SRCAP: variants seen among roughly 807,000 people sequenced by gnomAD.
SRCAP encodes the protein chromatin remodeling protein SRCAP.
In SRCAP, 46 loss-of-function variants were observed where a neutral mutation model predicts 263.1. The observed-to-expected ratio is 0.17, with a 90% CI of 0.14 to 0.22. SRCAP has a LOEUF of 0.22. SRCAP is among the 10% of genes least tolerant of loss of function. The pLI is 1.00. For missense variants in SRCAP, 3,695 were observed against 4,181.9 expected, an observed-to-expected ratio of 0.88 and a Z score of 3.21; for synonymous variants, 1,813 against 1,662.1, an observed-to-expected ratio of 1.09 and a Z score of -2.21.
chr16:30,699,330 A>G (rs1394355972), intron 1 of SRCAP, 88 bp downstream of exon 1: 1 of 397,578 alleles, frequency 2.5e-6, no homozygotes, highest in Non-Finnish European at 4.4e-6. Context: ...AACACTGGGG[A>G]AGCATTTCCG....
intron 4 of SRCAP, among the ~76,000 whole-genome samples, chr16:30,705,664 G>A (rs551263068): frequency 5.3e-5 from 8 of 151,020 alleles, no homozygotes; most frequent in Non-Finnish European, 1.2e-4. Context: ...CTCTGAAAGT[G>A]CTGGGATTAC....
At chr16:30,736,494 C>A in intron 32 of SRCAP, 47 bp from the exon 33 acceptor site, 1 of 1,612,812 alleles carries the variant, frequency 6.2e-7, no homozygotes, top group Non-Finnish European at 8.5e-7. Context: ...GTGGTGGGGC[C>A]CTGGGTACCA....
In SRCAP at chr16:30,724,761, C is replaced by G. The variant is rs771035574; in HGVS notation, c.5337C>G (p.Leu1779=). 1.2e-6 allele frequency: 2 copies of G among 1,613,762 alleles called. No individual in the cohort carries two copies. The highest frequency in any genetic ancestry group is 2.7e-5 in the African/African-American group (2 of 74,918). Residue 1779 remains leucine (L), a synonymous_variant, in exon 25 of 34, where the codon CTC becomes CTG. Transcript: ENST00000262518. The stretch of plus-strand genomic sequence containing the variant: ...CTCCAGCATCGTCATCTGCTTCACT[C>G]CTGGCCCCAGCTTCAGTGCAGACAC... ...TLAPASSSAS[L]LAPASVQTLT...
At chr16:30,708,691 G>C (rs1314194695) in intron 6 of SRCAP, among the ~76,000 whole-genome samples, 1 of 152,102 alleles carries the variant, frequency 6.6e-6, no homozygotes, top group Non-Finnish European at 1.5e-5. Flanking sequence ...ACCGCACCTG[G>C]CCTAAAAATA....
At chr16:30,717,442 T>A (rs1056681289) in intron 18 of SRCAP, among the ~76,000 whole-genome samples, 1 of 151,976 alleles carries the variant, frequency 6.6e-6, no homozygotes, top group East Asian at 1.9e-4. Context: ...CACAAACACT[T>A]GTTTTTGGTG....
intron 3 of SRCAP, among the ~76,000 whole-genome samples, chr16:30,702,851 G>A (rs1441345560): frequency 6.6e-6 from 1 of 151,182 alleles, no homozygotes; most frequent in Non-Finnish European, 1.5e-5. Context: ...TGATCCGCCC[G>A]CCTCGGCCTC....
At chr16:30,714,238 G>C (rs2052922654) in intron 16 of SRCAP, among the ~76,000 whole-genome samples, 1 of 151,674 alleles carries the variant, frequency 6.6e-6, no homozygotes, top group Non-Finnish European at 1.5e-5. Context: ...CTAATTTTTT[G>C]TATTTTTAGT....
intron 3 of SRCAP, 145 bp downstream of exon 3, chr16:30,701,023 G>A: frequency 1.4e-6 from 1 of 720,196 alleles, no homozygotes; most frequent in Non-Finnish European, 2.4e-6. Context: ...TATCAGGTCT[G>A]TTGGATACTC....
chr16:30,722,477 GTTCTT>G (rs1466334374), intron 22 of SRCAP, 81 bp from the exon 23 acceptor site: 16 of 1,548,432 alleles, frequency 1.0e-5, no homozygotes, highest in Admixed American at 3.5e-5. Context: ...TTCCCTCTCT[GTTCTT>G]TTCTTCTCTT....
chr16:30,706,697 A>G (rs2052831411), intron 4 of SRCAP, among the ~76,000 whole-genome samples: 1 of 152,146 alleles, frequency 6.6e-6, no homozygotes, highest in Non-Finnish European at 1.5e-5. Flanking sequence ...ATTATAGCAT[A>G]TTTCTAAGCT....
At chr16:30,720,478 G>C (rs2151292525) in intron 19 of SRCAP, 147 bp downstream of exon 19, 1 of 1,077,556 alleles carries the variant, frequency 9.3e-7, no homozygotes, top group East Asian at 2.5e-5. Flanking sequence ...ATCAGGGAGA[G>C]AATAACTAGA....
At chr16:30,729,721 G>C in intron 27 of SRCAP, 149 bp downstream of exon 27, 1 of 865,420 alleles carries the variant, frequency 1.2e-6, no homozygotes, top group Non-Finnish European at 1.8e-6. Flanking sequence ...GGGCAAGATA[G>C]AGAAATGTAA....
Position 30,709,614 on chromosome 16 carries a change from C to T in SRCAP, c.735C>T (p.Asp245=). 1.2e-6 allele frequency: 2 copies of T among 1,614,182 alleles called. No individual in the cohort carries two copies. Among genetic ancestry groups the T allele is most frequent in the Non-Finnish European group, 1.7e-6 (2 of 1,180,036 alleles). Residue 245 remains aspartate, a synonymous_variant, in exon 7 of 34, where the codon GAC becomes GAT. Transcript: ENST00000262518. ...TGGGGCAAACTGAAAAGTACTCGGACCTTCTGTCTCAGAGCCTCAACCAGC... is the reference window on the plus strand; with the variant it reads ...TGGGGCAAACTGAAAAGTACTCGGATCTTCTGTCTCAGAGCCTCAACCAGC... ...FIVGQTEKYS[D]LLSQSLNQPL...
In SRCAP at chr16:30,707,667, C is replaced by A. The variant is rs769983508; in HGVS notation, c.588C>A (p.Ser196=). The A allele has an allele frequency of 6.2e-7, 1 of 1,614,156 alleles. No homozygotes were observed. Among genetic ancestry groups the A allele is most frequent in the South Asian group, 1.1e-5 (1 of 91,078 alleles). The change falls in exon 6 of 34, where the codon TCC becomes TCA. Residue 196 remains serine (S), a synonymous_variant. Coordinates refer to ENST00000262518, the MANE Select transcript of SRCAP (RefSeq NM_006662.3). ...EEQAKLRRIA[S]TMAKDVRQFW... ...AGGCCAAGCTGCGTCGAATTGCTTC[C>A]ACCATGGCCAAGGATGTCAGGCAGT...
At position 30,724,075 on chromosome 16, in the gene SRCAP, C is replaced by T; in HGVS notation, c.4651C>T (p.Pro1551Ser). 6.2e-7 allele frequency: 1 copy of T among 1,613,632 alleles called. No homozygotes were observed. Among genetic ancestry groups the T allele is most frequent in the Non-Finnish European group, 8.5e-7 (1 of 1,180,018 alleles). Residue 1551 changes from proline (P) to serine (S), a missense_variant, in exon 25 of 34, where the codon CCA (proline) becomes TCA (serine). Pro to Ser is a moderately conservative substitution (Grantham distance 74, BLOSUM62 -1). Transcript: ENST00000262518. ...CCCAGCATGCTCACCTGTCCTGGTGCCAGCTTCGGCTCTGGCCAGTCCTTT... is the reference window on the plus strand; with the variant it reads ...CCCAGCATGCTCACCTGTCCTGGTGTCAGCTTCGGCTCTGGCCAGTCCTTT... ...VAPACSPVLVPASALASPFPS... is the reference protein window; with the variant it reads ...VAPACSPVLVSASALASPFPS...
rs1329218668 is a variant in SRCAP, at chr16:30,736,749, T to C, written c.7008+125T>C. 4.8e-6 allele frequency: 5 copies of C among 1,040,224 alleles called. No individual in the cohort carries two copies. The East Asian group carries it at 1.3e-4, about 27-fold the overall frequency. 64.4% of individuals were successfully genotyped at this position (1,040,224 alleles called of 1,614,324 possible). A position where few individuals can be genotyped will look rare whatever the true frequency, so the allele number is the denominator to read the frequency against. ...GTGCAGTGGCACAATCTCGGGTCAC[T>C]GCAGTCTCCGCCTCCCGGGTTCAAG... is the stretch of plus-strand genomic sequence containing the variant. On this transcript the variant is annotated intron_variant, in intron 33 of 33. Transcript: ENST00000262518.
Position 30,733,489 on chromosome 16 carries a change from C to T in SRCAP, c.6297+40C>T. The T allele has an allele frequency of 6.2e-7, 1 of 1,611,518 alleles. No individual in the cohort carries two copies. Among genetic ancestry groups the T allele is most frequent in the Non-Finnish European group, 8.5e-7 (1 of 1,178,156 alleles). The stretch of plus-strand genomic sequence containing the variant: ...TGCAGCTCTTAGAGGCTCACCTCCG[C>T]TTCTCTCTCCTTTTCCCAGGATTTG... On this transcript the variant is annotated intron_variant, in intron 28 of 33. Coordinates refer to ENST00000262518, the MANE Select transcript of SRCAP (RefSeq NM_006662.3). The surrounding 1 kb of genome is among the most constrained non-coding windows in gnomAD (Gnocchi z 5.3).
chr16:30,707,609 G>A lies in SRCAP; in HGVS notation c.530G>A (p.Arg177Gln), dbSNP rs753653928. The change falls in exon 6 of 34, where the codon CGG becomes CAG. Residue 177 changes from arginine to glutamine, a missense_variant. Arg to Gln is a conservative substitution (Grantham distance 43, BLOSUM62 1). Around this residue, in one of 12 missense-constraint regions of SRCAP, gnomAD observed 107 missense variants for 223.8 expected, o/e 0.48. Transcript: ENST00000262518. ...RMVIRHHEEQ[R>Q]QKEERARREE... Reference sequence around the variant, plus strand: ...GTGATCCGGCACCACGAGGAGCAGCGGCAGAAAGAGGAACGGGCCCGGAGG... The same window carrying A: ...GTGATCCGGCACCACGAGGAGCAGCAGCAGAAAGAGGAACGGGCCCGGAGG... 6.2e-7 allele frequency: 1 copy of A among 1,613,994 alleles called. No homozygotes were observed. Among genetic ancestry groups the A allele is most frequent in the South Asian group, 1.1e-5 (1 of 91,064 alleles).
Position 30,710,139 on chromosome 16 carries a change from A to G in SRCAP, c.1134+11A>G. 6.2e-7 allele frequency: 1 copy of G among 1,610,664 alleles called. No homozygotes were observed. Among genetic ancestry groups the G allele is most frequent in the African/African-American group, 1.3e-5 (1 of 74,926 alleles). ...CCTCAGGTGTTGGAGGTATAGGCAG[A>G]AGGAGCAGAGGGAGGGTTCAGAGGG... On this transcript the variant is annotated intron_variant, in intron 8 of 33. Transcript: ENST00000262518.
Sources: gnomAD v4.1 joint callset for allele counts (sites outside exome capture counted in the v4.1 genomes callset) on GRCh38, gnomAD v4.1.1 for gene constraint, gnomAD v4.1.1 regional missense constraint, Gnocchi (gnomAD v3.1) non-coding constraint, MANE v1.5 for transcripts, NCBI Gene and HGNC (gene_info 2026-07-23, HGNC 2026-07-21) for gene names.